The following PTPRD variants were observed in gnomAD, a reference collection of about 807,000 sequenced individuals.
The protein encoded by PTPRD is protein tyrosine phosphatase receptor type D.
A neutral mutation model predicts 214.5 loss-of-function variants in PTPRD; 34 were observed. The ratio of observed to expected loss-of-function variants is 0.16; its 90% CI spans 0.12 to 0.21. PTPRD has a LOEUF of 0.21. PTPRD is among the 10% of genes least tolerant of loss of function. The pLI, the probability that PTPRD is intolerant of heterozygous loss-of-function variation, is 1.00. For synonymous variants in PTPRD, 1,128 were observed against 845.7 expected, an observed-to-expected ratio of 1.33 and a Z score of -5.79; for missense variants, 2,545 against 2,398.7, an observed-to-expected ratio of 1.06 and a Z score of -1.27.
At chr9:8,980,455 T>C (rs1039402246) in intron 11 of PTPRD, among the ~76,000 whole-genome samples, 2 of 152,148 alleles carry the variant, frequency 1.3e-5, no homozygotes, top group Non-Finnish European at 2.9e-5. Flanking sequence ...AGTAACATTT[T>C]ACTATCTATA....
chr9:9,074,396 G>A (rs549312298), intron 10 of PTPRD, among the ~76,000 whole-genome samples: 3 of 152,156 alleles, frequency 2.0e-5, no homozygotes, highest in East Asian at 3.9e-4. Flanking sequence ...CGCAAATTTT[G>A]GTGGAACACT....
chr9:9,422,243 G>A (rs1239361245), intron 8 of PTPRD, among the ~76,000 whole-genome samples: 2 of 152,136 alleles, frequency 1.3e-5, no homozygotes, highest in African/African-American at 4.8e-5. Context: ...AAGAGGTTAA[G>A]TAGCTTGCTC....
chr9:9,673,972 T>G (rs1220439071), intron 7 of PTPRD, among the ~76,000 whole-genome samples: 1 of 151,786 alleles, frequency 6.6e-6, no homozygotes, highest in Non-Finnish European at 1.5e-5. Context: ...AATAATGACA[T>G]TTACAGATAA....
intron 3 of PTPRD, among the ~76,000 whole-genome samples, chr9:10,333,005 T>A (rs907328577): frequency 6.6e-6 from 1 of 151,934 alleles, no homozygotes; most frequent in Non-Finnish European, 1.5e-5. Flanking sequence ...AAGATATTTT[T>A]TAATCTGCTT....
At chr9:9,188,071 C>T (rs1465854868) in intron 9 of PTPRD, among the ~76,000 whole-genome samples, 1 of 152,006 alleles carries the variant, frequency 6.6e-6, no homozygotes, top group Non-Finnish European at 1.5e-5. Flanking sequence ...CTCACTTTTT[C>T]CTCCTCACCA....
intron 20 of PTPRD, among the ~76,000 whole-genome samples, chr9:8,520,202 G>C (rs1311204285): frequency 6.6e-6 from 1 of 152,058 alleles, no homozygotes; most frequent in African/African-American, 2.4e-5. Flanking sequence ...GTACAGTACA[G>C]GTTTTATGTC....
intron 3 of PTPRD, among the ~76,000 whole-genome samples, chr9:10,112,669 C>T (rs1028021962): frequency 4.6e-5 from 7 of 152,040 alleles, no homozygotes; most frequent in South Asian, 4.2e-4. Context: ...CTAAAAGTCA[C>T]GGTAAGGGAA....
At chr9:8,383,406 T>C (rs938030730) in intron 37 of PTPRD, among the ~76,000 whole-genome samples, 1 of 151,964 alleles carries the variant, frequency 6.6e-6, no homozygotes, top group Non-Finnish European at 1.5e-5. Flanking sequence ...CAGCCCAGTC[T>C]CTTTGGCCCT....
intron 10 of PTPRD, among the ~76,000 whole-genome samples, chr9:9,171,219 G>A (rs994878104): frequency 6.6e-6 from 1 of 151,964 alleles, no homozygotes; most frequent in African/African-American, 2.4e-5. Context: ...GGCATTGAGA[G>A]GTTAATAACT....
chr9:9,912,215 A>T (rs2079390965), intron 5 of PTPRD, among the ~76,000 whole-genome samples: 1 of 152,262 alleles, frequency 6.6e-6, no homozygotes, highest in South Asian at 2.1e-4. Context: ...AAATCAAAAT[A>T]AAAGATAAAG....
At chr9:9,134,058 CTT>C (rs928663989) in intron 10 of PTPRD, among the ~76,000 whole-genome samples, 65 of 75,412 alleles carry the variant, frequency 8.6e-4, no homozygotes, top group African/African-American at 2.9e-3. Flanking sequence ...TAGAATCATT[CTT>C]TTTTTTTTTT....
At chr9:9,677,013 G>C (rs534571847) in intron 7 of PTPRD, among the ~76,000 whole-genome samples, 131 of 152,140 alleles carry the variant, frequency 8.6e-4, no homozygotes, top group Non-Finnish European at 1.5e-3. Context: ...GTTCCTTGTA[G>C]ATTCTGGATA....
chr9:9,480,007 G>C (rs2147046386), intron 8 of PTPRD, among the ~76,000 whole-genome samples: 1 of 152,218 alleles, frequency 6.6e-6, no homozygotes, highest in Middle Eastern at 3.4e-3. Flanking sequence ...CTTTTCATGA[G>C]CAAGAATAAT....
chr9:9,639,516 T>C (rs2095870532), intron 7 of PTPRD, among the ~76,000 whole-genome samples: 2 of 152,234 alleles, frequency 1.3e-5, no homozygotes, highest in Non-Finnish European at 2.9e-5. Flanking sequence ...ACCTCCAAAA[T>C]ACGACATTTA....
intron 3 of PTPRD, among the ~76,000 whole-genome samples, chr9:10,119,661 C>T (rs867342111): frequency 2.3e-4 from 35 of 151,936 alleles, no homozygotes; most frequent in African/African-American, 7.7e-4. Flanking sequence ...CAAGACCCCC[C>T]GCATGGAAAT....
intron 20 of PTPRD, among the ~76,000 whole-genome samples, chr9:8,519,645 A>C (rs2097852081): frequency 6.6e-6 from 1 of 152,192 alleles, no homozygotes; most frequent in Admixed American, 6.5e-5. Context: ...GGCACTCGGT[A>C]GGTTTTTAAT....
At chr9:10,471,503 G>C (rs776915137) in intron 2 of PTPRD, among the ~76,000 whole-genome samples, 100 of 152,052 alleles carry the variant, frequency 6.6e-4, no homozygotes, top group Admixed American at 1.2e-3. Flanking sequence ...CTTGTCATCT[G>C]AGTTTTTAGT....
At chr9:8,797,376 C>A (rs2096460368) in intron 11 of PTPRD, among the ~76,000 whole-genome samples, 1 of 152,190 alleles carries the variant, frequency 6.6e-6, no homozygotes, top group Non-Finnish European at 1.5e-5. Flanking sequence ...ACCATCAATT[C>A]ATTTTCCAAA....
At chr9:9,862,711 C>A in intron 5 of PTPRD, among the ~76,000 whole-genome samples, 1 of 118,774 alleles carries the variant, frequency 8.4e-6, no homozygotes, top group Non-Finnish European at 1.6e-5. Flanking sequence ...GTTTACTGCA[C>A]ATGCTATTGG....
Sources: gnomAD v4.1 joint callset for allele counts (sites outside exome capture counted in the v4.1 genomes callset) on GRCh38, gnomAD v4.1.1 for gene constraint, MANE v1.5 for transcripts, NCBI Gene and HGNC (gene_info 2026-07-23, HGNC 2026-07-21) for gene names.